The following PKIA variants were observed in gnomAD, a reference collection of about 807,000 sequenced individuals.
PKIA encodes the protein cAMP-dependent protein kinase inhibitor alpha.
A neutral mutation model predicts 7.6 loss-of-function variants in PKIA; 4 were observed. That is an observed-to-expected ratio of 0.52 (90% CI 0.26 to 1.20). The LOEUF is 1.20. PKIA is among the 50% of genes most tolerant of loss of function. PKIA has a pLI of 0.13. For synonymous variants in PKIA, 21 were observed against 30.7 expected, an observed-to-expected ratio of 0.68 and a Z score of 1.04; for missense variants, 73 against 86.2, an observed-to-expected ratio of 0.85 and a Z score of 0.61.
chr8:78,576,864 A>G (rs1241567950), intron 2 of PKIA, among the ~76,000 whole-genome samples: 2 of 152,222 alleles, frequency 1.3e-5, no homozygotes, highest in East Asian at 3.9e-4. Flanking sequence ...TCATTCTATT[A>G]TAAAGACACA....
intron 2 of PKIA, among the ~76,000 whole-genome samples, chr8:78,582,171 G>C (rs978216704): frequency 7.8e-5 from 11 of 140,292 alleles, no homozygotes; most frequent in Middle Eastern, 3.3e-3. Context: ...GCAATATTTC[G>C]TGTTTTTTTT....
intron 1 of PKIA, among the ~76,000 whole-genome samples, chr8:78,530,888 T>C (rs776698883): frequency 2.0e-5 from 3 of 152,100 alleles, no homozygotes; most frequent in Non-Finnish European, 2.9e-5. Context: ...GGATTTCTAC[T>C]AAGCTTCTCT....
intron 1 of PKIA, among the ~76,000 whole-genome samples, chr8:78,545,743 T>C (rs1806805240): frequency 6.6e-6 from 1 of 152,110 alleles, no homozygotes; most frequent in Admixed American, 6.6e-5. Flanking sequence ...GAAGACTCAA[T>C]TATGTGTTTT....
chr8:78,521,334 T>A (rs1219414183), intron 1 of PKIA, among the ~76,000 whole-genome samples: 3 of 152,122 alleles, frequency 2.0e-5, no homozygotes, highest in Admixed American at 6.6e-5. Context: ...ATAATTTATG[T>A]TCATCCCTCC....
chr8:78,549,726 C>CAAAAAAA (rs10708020), intron 1 of PKIA, among the ~76,000 whole-genome samples: 1 of 123,220 alleles, frequency 8.1e-6, no homozygotes. Context: ...ACTGAAATAC[C>CAAAAAAA]AAAAAAAAAA....
chr8:78,542,014 A>G (rs532970711), intron 1 of PKIA, among the ~76,000 whole-genome samples: 6 of 152,166 alleles, frequency 3.9e-5, no homozygotes, highest in African/African-American at 1.4e-4. Context: ...TACAAAAAAT[A>G]TATTTTAAAA....
At chr8:78,591,661 C>T in intron 2 of PKIA, among the ~76,000 whole-genome samples, 1 of 152,082 alleles carries the variant, frequency 6.6e-6, no homozygotes, top group East Asian at 1.9e-4. Context: ...GTCCATTTCC[C>T]TCTTTTCCCT....
chr8:78,543,344 C>A (rs1039202459), intron 1 of PKIA, among the ~76,000 whole-genome samples: 1 of 152,110 alleles, frequency 6.6e-6, no homozygotes, highest in African/African-American at 2.4e-5. Context: ...CCATCATATC[C>A]TTCGTATGTG....
intron 1 of PKIA, among the ~76,000 whole-genome samples, chr8:78,563,541 T>C (rs1186997904): frequency 1.3e-5 from 2 of 152,154 alleles, no homozygotes; most frequent in Non-Finnish European, 1.5e-5. Context: ...TTTTGTCTTT[T>C]GTTTTACTTT....
In PKIA at chr8:78,603,318, C is replaced by T. The variant is rs773101016; in HGVS notation, c.*1497C>T. On this transcript the variant is annotated 3_prime_UTR_variant, in exon 4 of 4. Transcript: ENST00000396418. ...CCTTGAGGGCTTAGATACCTTGCCACGTGAAGTAGGTAGAGCAGCATTTCA... is the reference window on the plus strand; with the variant it reads ...CCTTGAGGGCTTAGATACCTTGCCATGTGAAGTAGGTAGAGCAGCATTTCA... 2.6e-5 allele frequency: 4 copies of T among 152,260 alleles called. No individual in the cohort carries two copies. The highest frequency in any genetic ancestry group is 2.1e-4 in the South Asian group (1 of 4,824). The allele number at this position is 152,260 out of a possible 1,614,324, so 9.4% of individuals were successfully genotyped here.
chr8:78,533,923 T>C (rs1360330421), intron 1 of PKIA: 2 of 152,072 alleles, frequency 1.3e-5, no homozygotes, highest in African/African-American at 4.8e-5. Context: ...TTAATATGCA[T>C]GTTTGGCATG....
chr8:78,598,839 T>G (rs533619423), intron 3 of PKIA, among the ~76,000 whole-genome samples: 5 of 152,096 alleles, frequency 3.3e-5, no homozygotes, highest in Non-Finnish European at 7.4e-5. Flanking sequence ...AAATTGCTTA[T>G]GTACAGTATT....
intron 2 of PKIA, among the ~76,000 whole-genome samples, chr8:78,582,092 C>T (rs1045014189): frequency 9.2e-5 from 14 of 151,724 alleles, no homozygotes. Flanking sequence ...CAGTTAAAAG[C>T]TGTTTACAAT....
At chr8:78,572,961 C>T (rs962155666) in intron 2 of PKIA, 22 bp downstream of exon 2, 2 of 151,942 alleles carry the variant, frequency 1.3e-5, no homozygotes, top group African/African-American at 4.8e-5. Flanking sequence ...AATTCTCAAA[C>T]ATTTAATTAC....
At chr8:78,552,612 C>G (rs1034840158) in intron 1 of PKIA, among the ~76,000 whole-genome samples, 4 of 152,000 alleles carry the variant, frequency 2.6e-5, no homozygotes, top group Admixed American at 2.0e-4. Flanking sequence ...GCACCCTTAA[C>G]AGGAACATGC....
chr8:78,587,529 T>C (rs776708525), intron 2 of PKIA, among the ~76,000 whole-genome samples: 2 of 152,208 alleles, frequency 1.3e-5, no homozygotes, highest in Admixed American at 6.5e-5. Context: ...GCAGGGGTAT[T>C]GCAAAGATTA....
intron 1 of PKIA, among the ~76,000 whole-genome samples, chr8:78,568,499 G>T (rs1807471848): frequency 6.6e-6 from 1 of 152,038 alleles, no homozygotes; most frequent in South Asian, 2.1e-4. Context: ...ATTTCTCCCA[G>T]GTATTTTCAC....
At chr8:78,575,522 T>A (rs1807652501) in intron 2 of PKIA, among the ~76,000 whole-genome samples, 1 of 152,024 alleles carries the variant, frequency 6.6e-6, no homozygotes, top group Non-Finnish European at 1.5e-5. Flanking sequence ...GTGTATATTA[T>A]CCTGTTGATG....
chr8:78,568,086 G>A (rs1036004895), intron 1 of PKIA, among the ~76,000 whole-genome samples: 1 of 152,102 alleles, frequency 6.6e-6, no homozygotes, highest in African/African-American at 2.4e-5. Context: ...TGTTACTGGG[G>A]TTTCATTGTT....
Sources: allele counts gnomAD v4.1 joint callset (sites outside exome capture counted in the v4.1 genomes callset), GRCh38; gene constraint gnomAD v4.1.1; transcripts MANE v1.5; gene names NCBI Gene and HGNC (gene_info 2026-07-23, HGNC 2026-07-21).